The following ME2 variants were observed in gnomAD, a reference collection of about 807,000 sequenced individuals.
The protein encoded by ME2 is NAD-dependent malic enzyme, mitochondrial.
Under a neutral mutation model 73.7 loss-of-function variants are expected in ME2, and 60 were observed. The observed-to-expected ratio is 0.81, with a 90% CI of 0.66 to 1.01. ME2 has a LOEUF of 1.01. ME2 is among the 50% of genes least tolerant of loss of function. The pLI is 0.00. For missense variants in ME2, 594 were observed against 705.5 expected (o/e 0.84, Z 1.79); for synonymous variants, 199 against 236.9 (o/e 0.84, Z 1.47).
chr18:50,931,133 A>T (rs984407425), intron 12 of ME2, among the ~76,000 whole-genome samples: 2 of 152,274 alleles, frequency 1.3e-5, no homozygotes, highest in African/African-American at 4.8e-5. Flanking sequence ...AACACAATTA[A>T]TTCTCTTAGA....
Position 50,932,296 on chromosome 18 carries a change from A to C in ME2, c.1353A>C (p.Pro451=), listed in dbSNP as rs1379743283. The C allele has an allele frequency of 2.5e-6, 4 of 1,613,072 alleles. No individual in the cohort carries two copies. The highest frequency in any genetic ancestry group is 3.4e-6 in the Non-Finnish European group (4 of 1,179,342). The change falls in exon 13 of 16, where the codon CCA becomes CCC. Residue 451 remains proline (P), a synonymous_variant. Coordinates refer to ENST00000321341, the MANE Select transcript of ME2 (RefSeq NM_002396.5). ...CLFASGSPFG[P]VKLTDGRVFT... is the part of the protein sequence containing the mutation. ...TTGCCAGTGGCAGTCCATTTGGGCC[A>C]GTGAAACTTACAGATGGGCGAGTCT...
chr18:50,927,721 C>CATATATATATATATATAT (rs368161371), intron 12 of ME2, among the ~76,000 whole-genome samples: 117 of 85,432 alleles, frequency 1.4e-3, no homozygotes, highest in Non-Finnish European at 1.7e-3. Context: ...CCCAAAAAAC[C>CATATATATATATATATAT]ATATATATAT....
At chr18:50,893,373 A>G (rs1204795714) in intron 1 of ME2, among the ~76,000 whole-genome samples, 2 of 152,188 alleles carry the variant, frequency 1.3e-5, no homozygotes, top group Non-Finnish European at 1.5e-5. Flanking sequence ...AAATCCAGCA[A>G]TGAAAAAGGA....
Position 50,932,296 on chromosome 18 carries a change from A to G in ME2, c.1353A>G (p.Pro451=). 6.2e-7 allele frequency: 1 copy of G among 1,613,190 alleles called. No homozygotes were observed. Residue 451 remains proline (P), a synonymous_variant, in exon 13 of 16, where the codon CCA becomes CCG. Transcript: ENST00000321341. ...TTGCCAGTGGCAGTCCATTTGGGCCAGTGAAACTTACAGATGGGCGAGTCT... is the reference window on the plus strand; with the variant it reads ...TTGCCAGTGGCAGTCCATTTGGGCCGGTGAAACTTACAGATGGGCGAGTCT... ...CLFASGSPFG[P]VKLTDGRVFT...
At chr18:50,902,718 G>C (rs1274615484) in intron 2 of ME2, among the ~76,000 whole-genome samples, 5 of 152,024 alleles carry the variant, frequency 3.3e-5, no homozygotes, top group Non-Finnish European at 7.4e-5. Flanking sequence ...TTTTTATTTG[G>C]CCATGATTCT....
intron 1 of ME2, among the ~76,000 whole-genome samples, chr18:50,881,451 C>G (rs1916323042): frequency 6.6e-6 from 1 of 152,062 alleles, no homozygotes; most frequent in Non-Finnish European, 1.5e-5. Flanking sequence ...AAAAAGATAA[C>G]TTTTATTAGA....
In ME2 at chr18:50,952,677, T is replaced by G. The variant is rs1373729802; in HGVS notation, c.*5493T>G. 3 of 152,312 alleles carry G rather than the reference T, an allele frequency of 2.0e-5. No individual in the cohort carries two copies. The highest frequency in any genetic ancestry group is 2.0e-4 in the Admixed American group (3 of 15,298). 9.4% of individuals were successfully genotyped at this position (152,312 alleles called of 1,614,324 possible). ...AAACTTGTGGGTATATATTCAGTGGTTTTCAGGATTTTCTTTTATGTTCTA... is the reference window on the plus strand; with the variant it reads ...AAACTTGTGGGTATATATTCAGTGGGTTTCAGGATTTTCTTTTATGTTCTA... On this transcript the variant is annotated 3_prime_UTR_variant, in exon 16 of 16. Transcript: ENST00000321341.
At chr18:50,938,724 G>C (rs1917872238) in intron 13 of ME2, among the ~76,000 whole-genome samples, 1 of 152,148 alleles carries the variant, frequency 6.6e-6, no homozygotes, top group Non-Finnish European at 1.5e-5. Flanking sequence ...GGTTTTCTAG[G>C]ATGACAGCTC....
chr18:50,915,115 C>G (rs1488714893), intron 4 of ME2, among the ~76,000 whole-genome samples: 1 of 148,614 alleles, frequency 6.7e-6, no homozygotes, highest in Non-Finnish European at 1.5e-5. Flanking sequence ...CCTCCTCCTC[C>G]TCTTTATGAT....
chr18:50,946,110 T>TTAAATAAATAAA (rs10636386), intron 15 of ME2, among the ~76,000 whole-genome samples: 9,429 of 148,948 alleles, frequency 0.063, 345 homozygotes, highest in South Asian at 0.1. Flanking sequence ...AGGCTCCATC[T>TTAAATAAATAAA]TAAATAAATA....
Position 50,940,296 on chromosome 18 carries a change from A to C in ME2, c.1497A>C (p.Thr499=). ...GCTGTTTTTCTCTTCAGGCCCTGAC[A>C]AGCCAATTGACAGATGAAGAGCTAG... ...SVFLEAAKAL[T]SQLTDEELAQ... is the part of the protein sequence containing the mutation. Residue 499 remains threonine, a synonymous_variant, in exon 15 of 16, where the codon ACA becomes ACC. Transcript: ENST00000321341. 6.2e-7 allele frequency: 1 copy of C among 1,605,820 alleles called. No individual in the cohort carries two copies. Among genetic ancestry groups the C allele is most frequent in the East Asian group, 2.2e-5 (1 of 44,758 alleles).
In ME2 at chr18:50,913,860, TAC is replaced by T. The variant is rs1555677139; in HGVS notation, c.392+940_392+941del. ...CTTTGGAAAATTATCAGCAATATTA[TAC>T]ACACACACACACACACACACACACA... On this transcript the variant is annotated intron_variant, in intron 4 of 15. Coordinates refer to ENST00000321341, the MANE Select transcript of ME2 (RefSeq NM_002396.5). Among the ~76,000 whole-genome samples the T allele has an allele frequency of 3.3e-3, 468 of 143,156 alleles. 1 individual carries two copies. Among genetic ancestry groups the T allele is most frequent in the African/African-American group, 8.6e-3 (329 of 38,076 alleles). 93.9% of individuals were successfully genotyped at this position (143,156 alleles called of 152,430 possible).
chr18:50,885,702 AATTAAC>A (rs1916445934), intron 1 of ME2, among the ~76,000 whole-genome samples: 1 of 152,068 alleles, frequency 6.6e-6, no homozygotes, highest in South Asian at 2.1e-4. Context: ...GTGCTGCTAT[AATTAAC>A]ATTATTATTC....
chr18:50,905,257 T>C (rs1916993064), intron 2 of ME2, among the ~76,000 whole-genome samples: 1 of 152,202 alleles, frequency 6.6e-6, no homozygotes, highest in South Asian at 2.1e-4. Context: ...AGTGCTGGGA[T>C]TAGAGGCGTG....
At chr18:50,899,142 G>A (rs575942299) in intron 2 of ME2, among the ~76,000 whole-genome samples, 5 of 152,282 alleles carry the variant, frequency 3.3e-5, no homozygotes, top group Admixed American at 6.5e-5. Flanking sequence ...TGTGAACTGC[G>A]CATGCAAGGG....
At chr18:50,909,427 C>T (rs1917094613) in intron 3 of ME2, among the ~76,000 whole-genome samples, 1 of 152,170 alleles carries the variant, frequency 6.6e-6, no homozygotes, top group South Asian at 2.1e-4. Flanking sequence ...CAGAGGGCAT[C>T]TAGCTCAACT....
chr18:50,912,165 A>G lies in ME2; in HGVS notation c.243-636A>G, dbSNP rs189411185. 2.3e-3 allele frequency among the ~76,000 whole-genome samples: 353 copies of G among 152,296 alleles called. 2 individuals are homozygous for G. Among genetic ancestry groups the G allele is most frequent in the African/African-American group, 8.3e-3 (345 of 41,562 alleles). ...CAGGGGAAAGATAAGTCTGCTTTAG[A>G]CATATTTAATTCAAGATGATTACTG... On this transcript the variant is annotated intron_variant, in intron 3 of 15. Coordinates refer to ENST00000321341, the MANE Select transcript of ME2 (RefSeq NM_002396.5).
At chr18:50,944,381 G>T (rs1452095043) in intron 15 of ME2, among the ~76,000 whole-genome samples, 1 of 152,128 alleles carries the variant, frequency 6.6e-6, no homozygotes. Flanking sequence ...GTCTGCAGTG[G>T]CATAGGCTTT....
At chr18:50,921,023 A>G in intron 9 of ME2, 51 bp from the exon 10 acceptor site, 1 of 867,094 alleles carries the variant, frequency 1.2e-6, no homozygotes, top group Non-Finnish European at 1.8e-6. Context: ...AAGTAATTCA[A>G]GCATTGCATC....
Sources: allele counts gnomAD v4.1 joint callset (sites outside exome capture counted in the v4.1 genomes callset), GRCh38; gene constraint gnomAD v4.1.1; transcripts MANE v1.5; gene names NCBI Gene and HGNC (gene_info 2026-07-23, HGNC 2026-07-21).